The following PTPN9 variants were observed in gnomAD, a reference collection of about 807,000 sequenced individuals.
PTPN9 encodes tyrosine-protein phosphatase non-receptor type 9.
A neutral mutation model predicts 69.8 loss-of-function variants in PTPN9; 26 were observed. The ratio of observed to expected loss-of-function variants is 0.37; its 90% CI spans 0.27 to 0.52. The LOEUF is 0.52. PTPN9 is among the 20% of genes least tolerant of loss of function. PTPN9 has a pLI of 0.91. For synonymous variants in PTPN9, 274 were observed against 272.5 expected (o/e 1.01, Z -0.05); for missense variants, 549 against 740.3 (o/e 0.74, Z 3.00).
intron 1 of PTPN9, among the ~76,000 whole-genome samples, chr15:75,547,513 C>A (rs925534401): frequency 6.6e-6 from 1 of 151,930 alleles, no homozygotes; most frequent in African/African-American, 2.4e-5. Flanking sequence ...AACCTCTGTG[C>A]CATACATTTT....
At chr15:75,483,994 G>C (rs1256548749) in intron 8 of PTPN9, among the ~76,000 whole-genome samples, 2 of 152,202 alleles carry the variant, frequency 1.3e-5, no homozygotes. Flanking sequence ...ACAAAGGGCT[G>C]TAGAAGCTCA....
chr15:75,561,997 C>T (rs1480053953), intron 1 of PTPN9, among the ~76,000 whole-genome samples: 6 of 152,078 alleles, frequency 3.9e-5, no homozygotes, highest in African/African-American at 7.2e-5. Flanking sequence ...TGTGAGCCAC[C>T]GCACCCAGCT....
At chr15:75,479,427 C>T (rs2074615599) in intron 9 of PTPN9, among the ~76,000 whole-genome samples, 1 of 152,178 alleles carries the variant, frequency 6.6e-6, no homozygotes, top group African/African-American at 2.4e-5. Context: ...TAGGAACCAG[C>T]CTAGGCCTAT....
At chr15:75,476,309 TA>T (rs2074595806) in intron 9 of PTPN9, among the ~76,000 whole-genome samples, 1 of 152,152 alleles carries the variant, frequency 6.6e-6, no homozygotes, top group South Asian at 2.1e-4. Flanking sequence ...TTGGTTAAAT[TA>T]AAAGTTTAGT....
chr15:75,560,938 G>C (rs898606707), intron 1 of PTPN9, among the ~76,000 whole-genome samples: 1 of 150,206 alleles, frequency 6.7e-6, no homozygotes, highest in East Asian at 2.0e-4. Context: ...AGAATCGCTT[G>C]AACTCAGGAG....
chr15:75,561,870 AG>A (rs1245555042), intron 1 of PTPN9, among the ~76,000 whole-genome samples: 2 of 151,894 alleles, frequency 1.3e-5, no homozygotes, highest in African/African-American at 4.8e-5. Context: ...CCACCATGCC[AG>A]GCTAATTTTG....
At chr15:75,529,823 T>C (rs1380635701) in intron 1 of PTPN9, among the ~76,000 whole-genome samples, 2 of 151,532 alleles carry the variant, frequency 1.3e-5, no homozygotes, top group Non-Finnish European at 2.9e-5. Flanking sequence ...GGCAGGAAAA[T>C]TGCTTGAACC....
chr15:75,471,981 G>A (rs1332544093), intron 10 of PTPN9, among the ~76,000 whole-genome samples: 1 of 151,786 alleles, frequency 6.6e-6, no homozygotes, highest in African/African-American at 2.4e-5. Flanking sequence ...CCACCCTCCA[G>A]TGGCCCCAAA....
At chr15:75,567,254 G>A (rs1376835354) in intron 1 of PTPN9, among the ~76,000 whole-genome samples, 1 of 152,074 alleles carries the variant, frequency 6.6e-6, no homozygotes, top group African/African-American at 2.4e-5. Flanking sequence ...CTGACCTCAG[G>A]TGATCCGACT....
chr15:75,476,407 C>T (rs1293831561), intron 9 of PTPN9, among the ~76,000 whole-genome samples: 2 of 152,088 alleles, frequency 1.3e-5, no homozygotes, highest in Non-Finnish European at 2.9e-5. Context: ...CTCTGCCTGC[C>T]GCGTTCAAGC....
rs977352926 is a variant in PTPN9 at position 75,527,294 on chromosome 15, A to G, written c.64-33T>C. On this transcript the variant is annotated intron_variant, in intron 1 of 12. Coordinates refer to ENST00000618819, the MANE Select transcript of PTPN9 (RefSeq NM_002833.4). ...ACAAAGAAAGAAAGAATAATTAGTAAGAAGAGAGCATATTTATGGAGTCAA... is the reference window on the plus strand; with the variant it reads ...ACAAAGAAAGAAAGAATAATTAGTAGGAAGAGAGCATATTTATGGAGTCAA... 3.1e-6 allele frequency: 5 copies of G among 1,610,116 alleles called. No homozygotes were observed. The African/African-American group carries it at 6.7e-5, about 22-fold the overall frequency.
intron 1 of PTPN9, among the ~76,000 whole-genome samples, chr15:75,557,319 G>A (rs1303299590): frequency 1.3e-5 from 2 of 151,982 alleles, no homozygotes; most frequent in Non-Finnish European, 2.9e-5. Flanking sequence ...CAGCTACTTG[G>A]GAGTCTGAGG....
At chr15:75,514,533 C>T (rs531979611) in intron 5 of PTPN9, among the ~76,000 whole-genome samples, 11 of 152,134 alleles carry the variant, frequency 7.2e-5, no homozygotes, top group Admixed American at 2.0e-4. Context: ...GAGCCAAGAT[C>T]GTGCCACTGC....
rs5813803 is a variant in PTPN9, at chr15:75,559,768, CAAAAAAAA to C, written c.63+18938_63+18945del. Among the ~76,000 whole-genome samples the C allele has an allele frequency of 7.5e-4, 71 of 95,050 alleles. 3 individuals are homozygous for C. The South Asian group carries it at 0.02, about 26-fold the overall frequency. 62.4% of individuals were successfully genotyped at this position (95,050 alleles called of 152,430 possible). On this transcript the variant is annotated intron_variant, in intron 1 of 12. Transcript: ENST00000618819. ...GCGAGAAACACCCAAGAATGGTCAA[CAAAAAAAA>C]AAAAAAAAAGAAGAAAGAAAATATT...
chr15:75,539,596 G>A (rs537780564), intron 1 of PTPN9, among the ~76,000 whole-genome samples: 10 of 151,478 alleles, frequency 6.6e-5, no homozygotes, highest in Non-Finnish European at 1.0e-4. Context: ...ATGAGCCACC[G>A]CGCCCAGCCT....
chr15:75,527,848 C>T (rs1323239882), intron 1 of PTPN9, among the ~76,000 whole-genome samples: 1 of 148,902 alleles, frequency 6.7e-6, no homozygotes, highest in Non-Finnish European at 1.5e-5. Flanking sequence ...AAGAGCGAAA[C>T]TGTCTCAAAA....
intron 1 of PTPN9, among the ~76,000 whole-genome samples, chr15:75,558,519 C>G (rs1424366774): frequency 1.3e-5 from 2 of 151,838 alleles, no homozygotes; most frequent in Non-Finnish European, 2.9e-5. Flanking sequence ...CCCTCTCCCC[C>G]TCCCCCTCTC....
chr15:75,488,109 C>T (rs1009692279), intron 8 of PTPN9, among the ~76,000 whole-genome samples: 4 of 152,058 alleles, frequency 2.6e-5, no homozygotes, highest in Non-Finnish European at 4.4e-5. Flanking sequence ...GATGAAACCC[C>T]GTATCTACTA....
In PTPN9 at chr15:75,527,110, C is replaced by A. The variant is rs2074931785; in HGVS notation, c.207+8G>T. On this transcript the variant is annotated splice_region_variant and intron_variant, in intron 2 of 12. Coordinates refer to ENST00000618819, the MANE Select transcript of PTPN9 (RefSeq NM_002833.4). Reference sequence around the variant, plus strand: ...GCCACAGGTCTGGTCTACCCCTGAGCCACATACTCTGTAGGAGTGGAACAA... The same window carrying A: ...GCCACAGGTCTGGTCTACCCCTGAGACACATACTCTGTAGGAGTGGAACAA... 1.9e-6 allele frequency: 3 copies of A among 1,614,116 alleles called. No homozygotes were observed. Among genetic ancestry groups the A allele is most frequent in the Non-Finnish European group, 2.5e-6 (3 of 1,179,996 alleles).
Sources: gnomAD v4.1 joint callset for allele counts (sites outside exome capture counted in the v4.1 genomes callset) on GRCh38, gnomAD v4.1.1 for gene constraint, MANE v1.5 for transcripts, NCBI Gene and HGNC (gene_info 2026-07-23, HGNC 2026-07-21) for gene names.